The following ZFPM2 variants were observed in gnomAD, a reference collection of about 807,000 sequenced individuals.
The protein encoded by ZFPM2 is zinc finger protein ZFPM2.
A neutral mutation model predicts 98.6 loss-of-function variants in ZFPM2; 20 were observed. The ratio of observed to expected loss-of-function variants is 0.20; its 90% confidence interval spans 0.14 to 0.29. ZFPM2 has a LOEUF of 0.29. Ranked by LOEUF, ZFPM2 falls within the 10% of genes least tolerant of loss-of-function variation. The pLI is 1.00. For missense variants in ZFPM2, 1,310 were observed against 1,388.6 expected (o/e 0.94, Z 0.90); for synonymous variants, 518 against 502.7 (o/e 1.03, Z -0.41).
At chr8:105,540,679 C>A (rs751786326) in intron 3 of ZFPM2, among the ~76,000 whole-genome samples, 4 of 152,016 alleles carry the variant, frequency 2.6e-5, no homozygotes, top group Non-Finnish European at 4.4e-5. Flanking sequence ...CACGTATTTT[C>A]GTGTTTAAGT....
chr8:105,452,220 A>G (rs779480933), intron 3 of ZFPM2, among the ~76,000 whole-genome samples: 8 of 152,176 alleles, frequency 5.3e-5, no homozygotes, highest in Non-Finnish European at 1.2e-4. Flanking sequence ...TTTATGCATT[A>G]TGAAGTAAAA....
In ZFPM2 at chr8:105,710,663, TTGTGTGTGTGTG is replaced by T. The variant is rs34170034; in HGVS notation, c.532+76334_532+76345del. Among the ~76,000 whole-genome samples, 349 of 143,910 alleles carry T rather than the reference TTGTGTGTGTGTG, an allele frequency of 2.4e-3. 2 individuals carry two copies. Among genetic ancestry groups the T allele is most frequent in the African/African-American group, 4.5e-3 (177 of 39,192 alleles). The allele number at this position is 143,910 out of a possible 152,430, so 94.4% of individuals were successfully genotyped here. ...TTAACATTTCTAAAAATGCACAAAA[TTGTGTGTGTGTG>T]TGTGTGTGTGTGTGTGTGTGTGTGT... On this transcript the variant is annotated intron_variant, in intron 5 of 7. Coordinates refer to ENST00000407775, the MANE Select transcript of ZFPM2 (RefSeq NM_012082.4).
intron 6 of ZFPM2, among the ~76,000 whole-genome samples, chr8:105,794,406 C>A (rs1352015091): frequency 6.6e-6 from 1 of 152,066 alleles, no homozygotes; most frequent in Non-Finnish European, 1.5e-5. Flanking sequence ...TTTCATGAAC[C>A]GTGAATGCTG....
chr8:105,516,407 A>G (rs564608947), intron 3 of ZFPM2, among the ~76,000 whole-genome samples: 46 of 121,482 alleles, frequency 3.8e-4, no homozygotes, highest in African/African-American at 1.6e-3. Context: ...AAGGAATGCA[A>G]GCAATGTTAT....
At chr8:105,478,548 G>A (rs939543148) in intron 3 of ZFPM2, among the ~76,000 whole-genome samples, 1 of 152,122 alleles carries the variant, frequency 6.6e-6, no homozygotes, top group African/African-American at 2.4e-5. Context: ...ATCCGGGTGG[G>A]CTGGGAGCAG....
chr8:105,493,437 C>A (rs983542744), intron 3 of ZFPM2, among the ~76,000 whole-genome samples: 2 of 152,174 alleles, frequency 1.3e-5, no homozygotes, highest in Non-Finnish European at 2.9e-5. Context: ...CAATTTTTTA[C>A]ACTTTATGCC....
chr8:105,456,324 T>C (rs1396186416), intron 3 of ZFPM2, among the ~76,000 whole-genome samples: 1 of 151,852 alleles, frequency 6.6e-6, no homozygotes, highest in East Asian at 1.9e-4. Flanking sequence ...AACCAGACTG[T>C]GGTAGGTTCA....
chr8:105,348,680 AG>A (rs1812584838), intron 1 of ZFPM2, among the ~76,000 whole-genome samples: 1 of 152,178 alleles, frequency 6.6e-6, no homozygotes, highest in African/African-American at 2.4e-5. Context: ...CTTTCAAGGG[AG>A]GGACAGGGGG....
At chr8:105,380,746 ATG>A (rs1424469014) in intron 1 of ZFPM2, among the ~76,000 whole-genome samples, 468 of 39,704 alleles carry the variant, frequency 0.012, 141 homozygotes, top group African/African-American at 0.058. Context: ...TTATATATAT[ATG>A]TTATATATAA....
chr8:105,802,145 C>T lies in ZFPM2; in HGVS notation c.2063C>T (p.Thr688Ile). The T allele has an allele frequency of 1.9e-6, 3 of 1,613,892 alleles. No individual in the cohort carries two copies. The highest frequency in any genetic ancestry group is 2.5e-6 in the Non-Finnish European group (3 of 1,179,866). Residue 688 changes from threonine (T) to isoleucine (I), a missense_variant, in exon 8 of 8, where the codon ACC (threonine) becomes ATC (isoleucine). Physicochemically the swap from Thr to Ile is moderately conservative, Grantham distance 89. Transcript: ENST00000407775. ...VDGESDPNKT[T>I]CEACNITFSR... is the part of the protein sequence containing the mutation. ...GGGGAAAGTGACCCAAATAAGACTA[C>T]CTGTGAAGCTTGCAACATTACCTTC...
chr8:105,351,905 G>C (rs977038579), intron 1 of ZFPM2, among the ~76,000 whole-genome samples: 4 of 152,050 alleles, frequency 2.6e-5, no homozygotes, highest in African/African-American at 9.7e-5. Context: ...AAAAAGATGG[G>C]CATTTTTCTA....
chr8:105,427,190 C>T (rs1586364421), intron 2 of ZFPM2, among the ~76,000 whole-genome samples: 1 of 152,058 alleles, frequency 6.6e-6, no homozygotes, highest in Admixed American at 6.6e-5. Flanking sequence ...TTGATGGAAT[C>T]GGAAGGTATA....
chr8:105,460,407 T>G (rs2130299222), intron 3 of ZFPM2, among the ~76,000 whole-genome samples: 1 of 152,198 alleles, frequency 6.6e-6, no homozygotes, highest in East Asian at 1.9e-4. Context: ...GAGGCATCTC[T>G]TTTGCTCTGA....
intron 4 of ZFPM2, among the ~76,000 whole-genome samples, chr8:105,624,206 G>A (rs1255111711): frequency 1.3e-5 from 2 of 152,148 alleles, no homozygotes; most frequent in Non-Finnish European, 2.9e-5. Context: ...ACAGCCTTAC[G>A]TAAGAAGGGG....
chr8:105,547,542 CAAAAA>C (rs148322534), intron 3 of ZFPM2, among the ~76,000 whole-genome samples: 1 of 47,186 alleles, frequency 2.1e-5, no homozygotes, highest in Non-Finnish European at 3.7e-5. Flanking sequence ...AACTCCATCT[CAAAAA>C]AAAAAAAAAA....
intron 5 of ZFPM2, among the ~76,000 whole-genome samples, chr8:105,770,193 C>A (rs1812949762): frequency 6.6e-6 from 1 of 151,856 alleles, no homozygotes; most frequent in Admixed American, 6.6e-5. Context: ...TAACATATTG[C>A]CCTTAGCTTA....
intron 5 of ZFPM2, among the ~76,000 whole-genome samples, chr8:105,698,869 A>G (rs1811077314): frequency 1.3e-5 from 2 of 152,190 alleles, no homozygotes; most frequent in African/African-American, 4.8e-5. Flanking sequence ...CTTTTCATCT[A>G]GAACATTTCC....
At chr8:105,490,172 G>T (rs1401404162) in intron 3 of ZFPM2, among the ~76,000 whole-genome samples, 1 of 152,038 alleles carries the variant, frequency 6.6e-6, no homozygotes, top group Admixed American at 6.5e-5. Context: ...GCTTGAACCC[G>T]GGAGGCGGAG....
At chr8:105,692,612 G>T (rs747783049) in intron 5 of ZFPM2, among the ~76,000 whole-genome samples, 5 of 152,196 alleles carry the variant, frequency 3.3e-5, no homozygotes, top group Non-Finnish European at 4.4e-5. Context: ...GATTACTTCT[G>T]CCTGTACAAA....
Sources: gnomAD v4.1 joint callset for allele counts (sites outside exome capture counted in the v4.1 genomes callset) on GRCh38, gnomAD v4.1.1 for gene constraint, MANE v1.5 for transcripts, NCBI Gene and HGNC (gene_info 2026-07-23, HGNC 2026-07-21) for gene names.